The following FADS2 variants were observed in gnomAD, a reference collection of about 807,000 sequenced individuals.
FADS2 encodes fatty acid desaturase 2.
A neutral mutation model predicts 61.2 loss-of-function variants in FADS2; 18 were observed. The observed-to-expected ratio is 0.29, with a 90% CI of 0.20 to 0.44. The LOEUF is 0.44. FADS2 is among the 20% of genes least tolerant of loss of function. FADS2 has a pLI of 1.00. For synonymous variants in FADS2, 203 were observed against 223.9 expected, an observed-to-expected ratio of 0.91 and a Z score of 0.83; for missense variants, 322 against 572.7, an observed-to-expected ratio of 0.56 and a Z score of 4.47.
intron 5 of FADS2, among the ~76,000 whole-genome samples, chr11:61,853,277 TC>T (rs368860482): frequency 2.3e-4 from 11 of 48,098 alleles, no homozygotes; most frequent in African/African-American, 1.1e-3. Context: ...CTCCCTCCCT[TC>T]CCTCCCTCCC....
chr11:61,859,013 C>T (rs1473361109), intron 7 of FADS2, among the ~76,000 whole-genome samples: 1 of 152,162 alleles, frequency 6.6e-6, no homozygotes, highest in Non-Finnish European at 1.5e-5. Context: ...GAAGTTTTTC[C>T]TCTCTTAACC....
At chr11:61,864,030 C>T in intron 10 of FADS2, 3 of 499,280 alleles carry the variant, frequency 6.0e-6, no homozygotes, top group Non-Finnish European at 7.2e-6. Context: ...TGGTTACCAC[C>T]TCCCTCCATG....
rs1477290933 is a variant in FADS2 at position 61,828,356 on chromosome 11, C to T, written c.-35C>T. On this transcript the variant is annotated 5_prime_UTR_variant, in exon 1 of 12. Coordinates refer to ENST00000278840, the MANE Select transcript of FADS2 (RefSeq NM_004265.4). The surrounding 1 kb of genome is among the most constrained non-coding windows in gnomAD (Gnocchi z 6.4). ...GCAGCGAGCAGCCGGCGCGGGGAGG[C>T]CGCAGTGCACGGGGCGTCACAGTCG... 3.2e-6 allele frequency: 5 copies of T among 1,545,858 alleles called. No individual in the cohort carries two copies. Among genetic ancestry groups the T allele is most frequent in the Admixed American group, 2.0e-5 (1 of 50,762 alleles).
chr11:61,851,775 C>T (rs552481456), intron 5 of FADS2, among the ~76,000 whole-genome samples: 23 of 152,362 alleles, frequency 1.5e-4, no homozygotes, highest in Admixed American at 9.2e-4. Context: ...GCTCCCAGCA[C>T]GTGGAACTGT....
At chr11:61,860,596 C>T (rs2067405174) in intron 7 of FADS2, among the ~76,000 whole-genome samples, 1 of 152,222 alleles carries the variant, frequency 6.6e-6, no homozygotes, top group African/African-American at 2.4e-5. Flanking sequence ...AACCAGCGAT[C>T]TCTGTGTATG....
intron 4 of FADS2, among the ~76,000 whole-genome samples, chr11:61,843,337 G>A (rs1035130616): frequency 3.3e-5 from 5 of 152,230 alleles, no homozygotes; most frequent in African/African-American, 4.8e-5. Context: ...GGCTGAGGCC[G>A]GAGGATGGCT....
chr11:61,858,678 T>C (rs888900563), intron 7 of FADS2, among the ~76,000 whole-genome samples: 2 of 151,792 alleles, frequency 1.3e-5, no homozygotes, highest in Non-Finnish European at 2.9e-5. Flanking sequence ...CTCCGCCTCC[T>C]GGGTTCAAGC....
At chr11:61,830,493 G>T (rs901005085) in intron 1 of FADS2, among the ~76,000 whole-genome samples, 1 of 152,152 alleles carries the variant, frequency 6.6e-6, no homozygotes, top group Non-Finnish European at 1.5e-5. Flanking sequence ...TCCTAACAGA[G>T]GACTAGAATG....
At chr11:61,864,187 T>G (rs888136050) in intron 10 of FADS2, 2 of 96,000 alleles carry the variant, frequency 2.1e-5, no homozygotes, top group Non-Finnish European at 4.0e-5. Flanking sequence ...CTTGTCACTG[T>G]TTTTTTTTTT....
chr11:61,835,251 T>C (rs1232867338), intron 1 of FADS2, among the ~76,000 whole-genome samples: 7 of 152,034 alleles, frequency 4.6e-5, no homozygotes, highest in African/African-American at 1.2e-4. Context: ...TAGACACAAA[T>C]AGAACAAAGA....
chr11:61,829,211 A>C (rs2135953826), intron 1 of FADS2: 1 of 152,606 alleles, frequency 6.6e-6, no homozygotes, highest in Admixed American at 6.5e-5. Context: ...CCCAAGCTCG[A>C]GCCGGCCTTC....
In FADS2 at chr11:61,867,293, G is replaced by A. The variant is rs2067480415; in HGVS notation, c.*1604G>A. The A allele has an allele frequency of 6.6e-6, 1 of 152,012 alleles. No individual in the cohort carries two copies. The highest frequency in any genetic ancestry group is 6.6e-5 in the Admixed American group (1 of 15,264). 9.4% of individuals were successfully genotyped at this position (152,012 alleles called of 1,614,324 possible). On this transcript the variant is annotated 3_prime_UTR_variant, in exon 12 of 12. Coordinates refer to ENST00000278840, the MANE Select transcript of FADS2 (RefSeq NM_004265.4). ...GAACCCATAGGGAGCTGATCGTAAT[G>A]TTTATCATGTTACTTCCCCACCCCT...
At position 61,857,519 on chromosome 11, in the gene FADS2, A is replaced by G; in HGVS notation, c.871A>G (p.Lys291Glu). 6.2e-7 allele frequency: 1 copy of G among 1,613,546 alleles called. No homozygotes were observed. The highest frequency in any genetic ancestry group is 1.3e-5 in the African/African-American group (1 of 74,988). The change falls in exon 7 of 12, where the codon AAG becomes GAG. Residue 291 changes from lysine (K) to glutamate (E), a missense_variant. Physicochemically the swap from Lys to Glu is moderately conservative, Grantham distance 56. Around this residue, in one of 3 missense-constraint regions of FADS2, gnomAD observed 221 missense variants for 427.9 expected, o/e 0.52. Transcript: ENST00000278840. The stretch of plus-strand genomic sequence containing the variant: ...GATCATCATGACCATGATCGTCCAT[A>G]AGAACTGGGTGGTGAGTTGGGGACA... ...YQIIMTMIVH[K>E]NWVDLAWAVS... is the part of the protein sequence containing the mutation.
chr11:61,830,816 C>T (rs174572), intron 1 of FADS2, among the ~76,000 whole-genome samples: 29,130 of 152,166 alleles, frequency 0.19, 3,488 homozygotes, highest in Admixed American at 0.29. Context: ...CACCCAGCAA[C>T]TGTAACCACT....
At chr11:61,863,231 A>T in intron 8 of FADS2, 51 bp from the exon 9 acceptor site, 1 of 1,513,600 alleles carries the variant, frequency 6.6e-7, no homozygotes, top group Non-Finnish European at 9.2e-7. Context: ...ATCTGTTCCC[A>T]CTGTGGCTGG....
upstream of FADS2, among the ~76,000 whole-genome samples, chr11:61,824,394 AAG>A (rs1193068439): frequency 0.011 from 198 of 17,374 alleles, 6 homozygotes; most frequent in African/African-American, 0.028. Context: ...GGGAAAAAAA[AAG>A]AGAGAGAGAG....
At chr11:61,844,084 A>G (rs1305824713) in intron 4 of FADS2, among the ~76,000 whole-genome samples, 2 of 152,210 alleles carry the variant, frequency 1.3e-5, no homozygotes, top group Admixed American at 1.3e-4. Context: ...CCCTCTAAAC[A>G]TGTTCGTGTG....
chr11:61,857,126 G>C, intron 6 of FADS2, 55 bp downstream of exon 6: 1 of 1,426,144 alleles, frequency 7.0e-7, no homozygotes, highest in African/African-American at 1.4e-5. Flanking sequence ...CCCCAGAGTG[G>C]CGTGTCTCTC....
intron 1 of FADS2, among the ~76,000 whole-genome samples, chr11:61,837,397 G>C (rs548435589): frequency 6.6e-6 from 1 of 152,344 alleles, no homozygotes; most frequent in South Asian, 2.1e-4. Flanking sequence ...TGTGGTTTGT[G>C]CACCATGCAA....
Sources: gnomAD v4.1 joint callset for allele counts (sites outside exome capture counted in the v4.1 genomes callset) on GRCh38, gnomAD v4.1.1 for gene constraint, gnomAD v4.1.1 regional missense constraint, Gnocchi (gnomAD v3.1) non-coding constraint, MANE v1.5 for transcripts, NCBI Gene and HGNC (gene_info 2026-07-23, HGNC 2026-07-21) for gene names.